Variants in ADAMTSL3 observed in about 807,000 individuals in gnomAD.
ADAMTSL3 encodes ADAMTS like 3, also known as ADAMTS-like protein 3.
ADAMTSL3 carries 128 observed loss-of-function variants against 201.7 expected under a neutral mutation model. The observed-to-expected ratio is 0.63, with a 90% CI of 0.55 to 0.73. The LOEUF (loss-of-function observed/expected upper bound fraction) is 0.73, where lower values mean the gene tolerates loss of function less well. ADAMTSL3 is among the 30% of genes least tolerant of loss of function. The probability of loss-of-function intolerance (pLI) is 0.00; values close to 1 mark genes in which losing one functional copy is unlikely to be tolerated. For missense variants in ADAMTSL3, 1,990 were observed against 2,119.6 expected (o/e 0.94, Z 1.20); for synonymous variants, 738 against 748.4 (o/e 0.99, Z 0.23).
chr15:83,778,560 C>G (rs2063117828), intron 4 of ADAMTSL3, among the ~76,000 whole-genome samples: 1 of 152,130 alleles, frequency 6.6e-6, no homozygotes, highest in African/African-American at 2.4e-5. Context: ...TTTAGACAAG[C>G]AAATGCTGAG....
At chr15:83,712,511 C>CT (rs1567091019) in intron 3 of ADAMTSL3, among the ~76,000 whole-genome samples, 1 of 152,192 alleles carries the variant, frequency 6.6e-6, no homozygotes. Flanking sequence ...CAGTGCTCCT[C>CT]TTTTTTGGAG....
At chr15:84,012,739 C>G (rs2068027113) in intron 23 of ADAMTSL3, among the ~76,000 whole-genome samples, 1 of 152,208 alleles carries the variant, frequency 6.6e-6, no homozygotes, top group Non-Finnish European at 1.5e-5. Context: ...GGGGCAATGT[C>G]TTTAGAATTC....
chr15:83,997,460 A>G (rs1426609952), intron 23 of ADAMTSL3, among the ~76,000 whole-genome samples: 1 of 151,984 alleles, frequency 6.6e-6, no homozygotes, highest in Non-Finnish European at 1.5e-5. Flanking sequence ...GTGGTGGCAC[A>G]TGCCTGTAAT....
At chr15:83,676,559 T>C (rs2061408402) in intron 2 of ADAMTSL3, among the ~76,000 whole-genome samples, 1 of 151,990 alleles carries the variant, frequency 6.6e-6, no homozygotes, top group South Asian at 2.1e-4. Flanking sequence ...GCGCCTGTAG[T>C]CCCAGCTACT....
At chr15:83,761,931 G>T (rs1011512239) in intron 3 of ADAMTSL3, among the ~76,000 whole-genome samples, 14 of 152,252 alleles carry the variant, frequency 9.2e-5, no homozygotes, top group African/African-American at 3.4e-4. Context: ...ATATTGTCAG[G>T]CATGATATTG....
intron 6 of ADAMTSL3, among the ~76,000 whole-genome samples, chr15:83,821,077 G>GA (rs769533674): frequency 1.2e-4 from 17 of 144,852 alleles, no homozygotes; most frequent in Admixed American, 2.8e-4. Flanking sequence ...GTCTCAAAAA[G>GA]AAAAAAAAAA....
chr15:83,970,576 G>T lies in ADAMTSL3; in HGVS notation c.2583G>T (p.Met861Ile). Residue 861 changes from methionine (M) to isoleucine (I), a missense_variant, in exon 20 of 30, where the codon ATG becomes ATT. Coordinates refer to ENST00000286744, the MANE Select transcript of ADAMTSL3 (RefSeq NM_207517.3). ...AKGRRIPLSE[M>I]MCRDLPGLPL... ...GTCGGCGCATCCCCCTCAGTGAGAT[G>T]ATGTGCAGGGATCTACCAGGGCTCC... 2 of 1,614,234 alleles carry T rather than the reference G, an allele frequency of 1.2e-6. No individual in the cohort carries two copies. The highest frequency in any genetic ancestry group is 1.7e-6 in the Non-Finnish European group (2 of 1,180,032).
chr15:83,814,828 G>A (rs1316883035), intron 5 of ADAMTSL3, among the ~76,000 whole-genome samples: 1 of 152,180 alleles, frequency 6.6e-6, no homozygotes, highest in Non-Finnish European at 1.5e-5. Flanking sequence ...CTACATGAAA[G>A]CTTGGTCCAG....
In ADAMTSL3 at chr15:83,718,565, G is replaced by A. The variant is rs113420086; in HGVS notation, c.189+14057G>A. 7.6e-4 allele frequency among the ~76,000 whole-genome samples: 116 copies of A among 151,970 alleles called. 1 individual carries two copies. Among genetic ancestry groups the A allele is most frequent in the African/African-American group, 2.6e-3 (107 of 41,440 alleles). On this transcript the variant is annotated intron_variant, in intron 3 of 29. Transcript: ENST00000286744. ...CTAAAAATACAAAAATTAGCCAGGC[G>A]TGGTGGTGCATGGCTATATAATCCC...
rs149888298 is a variant in ADAMTSL3, at chr15:83,915,114, A to G, written c.1987+1736A>G. On this transcript the variant is annotated intron_variant, in intron 16 of 29. Coordinates refer to ENST00000286744, the MANE Select transcript of ADAMTSL3 (RefSeq NM_207517.3). ...TGAGTCACCACATTGCTGCAGTCTC[A>G]CTAGAGACTTGGAGCTGTGTCTTTC... is the stretch of plus-strand genomic sequence containing the variant. Among the ~76,000 whole-genome samples, 32 of 152,312 alleles carry G rather than the reference A, an allele frequency of 2.1e-4. 1 individual carries two copies. The highest frequency in any genetic ancestry group is 1.7e-3 in the South Asian group (8 of 4,818).
intron 4 of ADAMTSL3, among the ~76,000 whole-genome samples, chr15:83,779,407 A>G (rs2063130095): frequency 6.6e-6 from 1 of 152,172 alleles, no homozygotes; most frequent in East Asian, 1.9e-4. Flanking sequence ...AAATCATAAA[A>G]AACAATCTCG....
At chr15:83,698,048 C>T (rs1489464760) in intron 2 of ADAMTSL3, among the ~76,000 whole-genome samples, 1 of 152,076 alleles carries the variant, frequency 6.6e-6, no homozygotes, top group Non-Finnish European at 1.5e-5. Flanking sequence ...GCCTTAGGAG[C>T]TCTGTGTCAG....
chr15:83,890,165 G>C lies in ADAMTSL3; in HGVS notation c.1129G>C (p.Asp377His). 1 of 1,613,936 alleles carries C rather than the reference G, an allele frequency of 6.2e-7. No individual in the cohort carries two copies. The highest frequency in any genetic ancestry group is 8.5e-7 in the Non-Finnish European group (1 of 1,179,884). The change falls in exon 11 of 30, where the codon GAC becomes CAC. Residue 377 changes from aspartate (D) to histidine (H), a missense_variant. By Grantham distance (81) the Asp-to-His change is moderately conservative (BLOSUM62 -1). Transcript: ENST00000286744. ...TATCCGCTTGAAGAGGGTAGTTCCT[G>C]ACCATTATTGTCACTACTACCCTGA... ...VDIRLKRVVP[D>H]HYCHYYPENV...
intron 10 of ADAMTSL3, among the ~76,000 whole-genome samples, chr15:83,889,520 C>CA (rs1199158004): frequency 5.9e-5 from 9 of 152,022 alleles, no homozygotes; most frequent in African/African-American, 1.5e-4. Flanking sequence ...AACAGATACA[C>CA]AAAAAAACAA....
chr15:83,928,485 G>A (rs1436278821), intron 17 of ADAMTSL3, among the ~76,000 whole-genome samples: 1 of 152,172 alleles, frequency 6.6e-6, no homozygotes, highest in Non-Finnish European at 1.5e-5. Context: ...CTAAAACAGA[G>A]AAAACGAAAA....
At chr15:83,939,578 T>C (rs1349708797) in intron 17 of ADAMTSL3, among the ~76,000 whole-genome samples, 1 of 152,076 alleles carries the variant, frequency 6.6e-6, no homozygotes, top group Non-Finnish European at 1.5e-5. Context: ...TTTTTCTCCA[T>C]ATTTTATCAA....
intron 16 of ADAMTSL3, among the ~76,000 whole-genome samples, chr15:83,917,430 T>C (rs753726778): frequency 3.3e-5 from 5 of 151,542 alleles, no homozygotes; most frequent in Non-Finnish European, 5.9e-5. Flanking sequence ...TATGTATGTA[T>C]GTATGTATGT....
chr15:83,859,678 T>A (rs962791770), intron 8 of ADAMTSL3, among the ~76,000 whole-genome samples: 10 of 152,138 alleles, frequency 6.6e-5, no homozygotes, highest in South Asian at 2.1e-4. Context: ...TTTCCATTCA[T>A]GGGGGTGGTG....
intron 16 of ADAMTSL3, among the ~76,000 whole-genome samples, chr15:83,917,708 T>A (rs1361434005): frequency 6.6e-6 from 1 of 152,186 alleles, no homozygotes; most frequent in Non-Finnish European, 1.5e-5. Context: ...TAGGAGTATA[T>A]ATATGGACAT....
Sources: gnomAD v4.1 joint callset for allele counts (sites outside exome capture counted in the v4.1 genomes callset) on GRCh38, gnomAD v4.1.1 for gene constraint, MANE v1.5 for transcripts, NCBI Gene and HGNC (gene_info 2026-07-23, HGNC 2026-07-21) for gene names.